Variants in VGLL4 observed in about 807,000 individuals in gnomAD.
The protein encoded by VGLL4 is transcription cofactor vestigial-like protein 4.
A neutral mutation model predicts 21.0 loss-of-function variants in VGLL4; 7 were observed. That is an observed-to-expected ratio of 0.33 (90% CI 0.19 to 0.63). The LOEUF (loss-of-function observed/expected upper bound fraction) is 0.63, where lower values mean the gene tolerates loss of function less well. Ranked by LOEUF, VGLL4 falls within the 20% of genes least tolerant of loss-of-function variation. VGLL4 has a pLI of 0.78. For missense variants in VGLL4, 394 were observed against 425.7 expected, an observed-to-expected ratio of 0.93 and a Z score of 0.66; for synonymous variants, 222 against 173.2, an observed-to-expected ratio of 1.28 and a Z score of -2.21.
intron 1 of VGLL4, among the ~76,000 whole-genome samples, chr3:11,627,595 CA>C (rs57607183): frequency 0.021 from 2,442 of 118,640 alleles, 11 homozygotes; most frequent in African/African-American, 0.035. Context: ...AACTTCATCT[CA>C]AAAAAAAAAA....
chr3:11,589,002 A>G (rs2074422101), intron 2 of VGLL4, among the ~76,000 whole-genome samples: 1 of 152,216 alleles, frequency 6.6e-6, no homozygotes, highest in Admixed American at 6.5e-5. Flanking sequence ...GAGAATACCA[A>G]TAACAACGAG....
intron 1 of VGLL4, among the ~76,000 whole-genome samples, chr3:11,709,635 C>T (rs947974390): frequency 6.6e-6 from 1 of 151,836 alleles, no homozygotes; most frequent in African/African-American, 2.4e-5. Flanking sequence ...TGCCAGTCCA[C>T]ATGCCTTTCC....
intron 1 of VGLL4, among the ~76,000 whole-genome samples, chr3:11,706,823 G>A (rs2076767251): frequency 6.6e-6 from 1 of 152,152 alleles, no homozygotes; most frequent in African/African-American, 2.4e-5. Context: ...GGGACAGGTG[G>A]CCAGACCTGA....
chr3:11,654,017 T>C (rs1177830228), intron 2 of VGLL4, among the ~76,000 whole-genome samples: 1 of 151,986 alleles, frequency 6.6e-6, no homozygotes, highest in African/African-American at 2.4e-5. Context: ...AATTTGGGGG[T>C]GTTGTTAACA....
intron 1 of VGLL4, among the ~76,000 whole-genome samples, chr3:11,617,141 C>G (rs2075176814): frequency 6.6e-6 from 1 of 151,802 alleles, no homozygotes; most frequent in Non-Finnish European, 1.5e-5. Context: ...GACAATAATT[C>G]TAACTCTAAC....
intron 2 of VGLL4, among the ~76,000 whole-genome samples, chr3:11,679,063 C>G (rs1465720614): frequency 1.3e-5 from 2 of 152,040 alleles, no homozygotes; most frequent in Non-Finnish European, 2.9e-5. Context: ...AATAAATGAC[C>G]CTGTTATTGG....
At chr3:11,706,329 A>G (rs905341214) in intron 1 of VGLL4, among the ~76,000 whole-genome samples, 4 of 152,204 alleles carry the variant, frequency 2.6e-5, no homozygotes, top group Admixed American at 6.5e-5. Flanking sequence ...AAATCAACCA[A>G]TGTTTATTAC....
At chr3:11,616,557 C>T (rs945092453) in intron 1 of VGLL4, among the ~76,000 whole-genome samples, 2 of 152,208 alleles carry the variant, frequency 1.3e-5, no homozygotes, top group African/African-American at 4.8e-5. Flanking sequence ...TGAGACAGTC[C>T]TCATCCCAAA....
upstream of VGLL4, chr3:11,644,030 A>G (rs1332141991): frequency 3.1e-6 from 3 of 978,550 alleles, no homozygotes; most frequent in African/African-American, 5.3e-5. Flanking sequence ...CTCTCAATGT[A>G]GCAAGTGTTG....
At chr3:11,682,209 G>A (rs773648187) in intron 2 of VGLL4, among the ~76,000 whole-genome samples, 1 of 152,028 alleles carries the variant, frequency 6.6e-6, no homozygotes, top group Non-Finnish European at 1.5e-5. Flanking sequence ...TTTGAGATCA[G>A]CCTGGCCAAC....
chr3:11,718,220 T>G (rs1429590583), intron 1 of VGLL4, among the ~76,000 whole-genome samples: 1 of 152,218 alleles, frequency 6.6e-6, no homozygotes, highest in Non-Finnish European at 1.5e-5. Context: ...GTTTACATCA[T>G]TTCCACCGTG....
intron 2 of VGLL4, among the ~76,000 whole-genome samples, chr3:11,598,228 T>A (rs937775944): frequency 2.0e-5 from 3 of 151,618 alleles, no homozygotes; most frequent in African/African-American, 7.3e-5. Flanking sequence ...GGTTTCACCA[T>A]ATTGATCAGT....
intron 2 of VGLL4, among the ~76,000 whole-genome samples, chr3:11,584,901 G>A (rs1023566892): frequency 6.6e-6 from 1 of 151,662 alleles, no homozygotes; most frequent in African/African-American, 2.4e-5. Context: ...CCTGCCTTCT[G>A]CCCTCTCCCA....
Position 11,559,403 on chromosome 3 carries a change from A to G in VGLL4, c.548T>C (p.Leu183Pro). Reference sequence around the variant, plus strand: ...GCTGTGCGCGATGGGGCAGTGCGAGAGGTTGCAGTTGCGGGCGCCAGCCGA... The same window carrying G: ...GCTGTGCGCGATGGGGCAGTGCGAGGGGTTGCAGTTGCGGGCGCCAGCCGA... The part of the protein sequence containing the change: ...CASAGARNCN[L>P]SHCPIAHSGC... Residue 183 changes from leucine (L) to proline (P), a missense_variant, in exon 4 of 5, where the codon CTC (leucine) becomes CCC (proline). By Grantham distance (98) the Leu-to-Pro change is moderately conservative. Coordinates refer to ENST00000430365, the MANE Select transcript of VGLL4 (RefSeq NM_001128219.3). 4 of 1,562,568 alleles carry G rather than the reference A, an allele frequency of 2.6e-6. No individual in the cohort carries two copies. The highest frequency in any genetic ancestry group is 3.5e-6 in the Non-Finnish European group (4 of 1,154,534).
chr3:11,666,931 C>T (rs549752090), intron 2 of VGLL4, among the ~76,000 whole-genome samples: 2 of 152,234 alleles, frequency 1.3e-5, no homozygotes, highest in Admixed American at 6.5e-5. Context: ...CAGGTTCCCC[C>T]TCTCCAGCCT....
chr3:11,658,693 T>C (rs1244011479), intron 2 of VGLL4, among the ~76,000 whole-genome samples: 1 of 148,862 alleles, frequency 6.7e-6, no homozygotes, highest in African/African-American at 2.5e-5. Context: ...AGTGAGAAAA[T>C]CCATGCCCTA....
At chr3:11,662,679 A>C (rs183207937) in intron 2 of VGLL4, among the ~76,000 whole-genome samples, 8 of 152,354 alleles carry the variant, frequency 5.3e-5, no homozygotes, top group Non-Finnish European at 1.0e-4. Context: ...ACAGGAACAG[A>C]AGTCTGCTTT....
chr3:11,719,321 C>G lies in VGLL4; in HGVS notation c.-14+1073G>C, dbSNP rs1455805640. The G allele has an allele frequency of 6.6e-6, 1 of 152,586 alleles. No individual in the cohort carries two copies. The highest frequency in any genetic ancestry group is 2.4e-5 in the African/African-American group (1 of 41,448). 9.5% of individuals were successfully genotyped at this position (152,586 alleles called of 1,614,324 possible). On this transcript the variant is annotated intron_variant, in intron 1 of 5. Transcript: ENST00000273038. The surrounding 1 kb of genome is among the most constrained non-coding windows in gnomAD (Gnocchi z 4.0). ...CCACCTCCTCCCTCCCGCAGGGCAT[C>G]CCGGTTCTGCTCCGACAGCCCACCC...
intron 2 of VGLL4, among the ~76,000 whole-genome samples, chr3:11,570,194 C>T (rs1027328828): frequency 1.8e-4 from 28 of 152,172 alleles, no homozygotes; most frequent in Non-Finnish European, 2.5e-4. Flanking sequence ...CCACAGACAC[C>T]GGCCCTGTGG....
Sources: allele counts gnomAD v4.1 joint callset (sites outside exome capture counted in the v4.1 genomes callset), GRCh38; gene constraint gnomAD v4.1.1; non-coding constraint Gnocchi (gnomAD v3.1); transcripts MANE v1.5; gene names NCBI Gene and HGNC (gene_info 2026-07-23, HGNC 2026-07-21).